Variants in TTLL9 observed in about 807,000 individuals in gnomAD.
TTLL9 encodes the protein tubulin tyrosine ligase like 9, also known as probable tubulin polyglutamylase TTLL9.
Under a neutral mutation model 65.6 loss-of-function variants are expected in TTLL9, and 47 were observed. The observed-to-expected ratio is 0.72, with a 90% CI of 0.57 to 0.91. The LOEUF (loss-of-function observed/expected upper bound fraction) is 0.91. Ranked by LOEUF, TTLL9 falls within the 40% of genes least tolerant of loss-of-function variation. The probability of loss-of-function intolerance (pLI) is 0.00; values close to 1 mark genes in which losing one functional copy is unlikely to be tolerated. For missense variants in TTLL9, 537 were observed against 568.8 expected, an observed-to-expected ratio of 0.94 and a Z score of 0.57; for synonymous variants, 179 against 204.8, an observed-to-expected ratio of 0.87 and a Z score of 1.07.
At chr20:31,892,211 A>G (rs1433011926) in intron 3 of TTLL9, among the ~76,000 whole-genome samples, 4 of 149,680 alleles carry the variant, frequency 2.7e-5, no homozygotes, top group South Asian at 2.1e-4. Flanking sequence ...ACAGGGTCTC[A>G]CTCTGTCACC....
intron 4 of TTLL9, among the ~76,000 whole-genome samples, chr20:31,903,286 T>C (rs1171546685): frequency 6.6e-6 from 1 of 152,244 alleles, no homozygotes; most frequent in Non-Finnish European, 1.5e-5. Flanking sequence ...TAGCAATTTA[T>C]AAATCTTCCT....
intron 10 of TTLL9, among the ~76,000 whole-genome samples, chr20:31,928,504 AAT>A (rs1212780562): frequency 1.3e-5 from 2 of 150,726 alleles, no homozygotes; most frequent in Non-Finnish European, 3.0e-5. Flanking sequence ...CATTATATAT[AAT>A]ATATATAGTT....
rs565437899 is a variant in TTLL9 at position 31,914,805 on chromosome 20, T to C, written c.504+4883T>C. Among the ~76,000 whole-genome samples the C allele has an allele frequency of 3.3e-5, 5 of 152,276 alleles. No individual in the cohort carries two copies. The South Asian group carries it at 8.3e-4, about 25-fold the overall frequency. On this transcript the variant is annotated intron_variant, in intron 6 of 14. Coordinates refer to ENST00000535842, the MANE Select transcript of TTLL9 (RefSeq NM_001008409.5). ...CTCTCAGGAATGGCCGGTCTTCATATCCCCTGGGGCTTAGTCACTGACTGG... is the reference window on the plus strand; with the variant it reads ...CTCTCAGGAATGGCCGGTCTTCATACCCCCTGGGGCTTAGTCACTGACTGG...
At chr20:31,902,099 A>G (rs2063487565) in intron 4 of TTLL9, among the ~76,000 whole-genome samples, 1 of 142,726 alleles carries the variant, frequency 7.0e-6, no homozygotes, top group South Asian at 2.1e-4. Flanking sequence ...AAGTTGTGTA[A>G]TCATCACCAC....
chr20:31,880,393 C>T (rs1018335002), intron 2 of TTLL9, among the ~76,000 whole-genome samples: 4 of 152,118 alleles, frequency 2.6e-5, no homozygotes, highest in Non-Finnish European at 5.9e-5. Flanking sequence ...CTCTGCCCTC[C>T]AAGAGGGCAC....
Position 31,944,418 on chromosome 20 carries a change from CA to C in TTLL9, c.*1401del, listed in dbSNP as rs1217787117. 1 of 154,040 alleles carries C rather than the reference CA, an allele frequency of 6.5e-6. No individual in the cohort carries two copies. Among genetic ancestry groups the C allele is most frequent in the Non-Finnish European group, 1.4e-5 (1 of 69,188 alleles). 9.5% of individuals were successfully genotyped at this position (154,040 alleles called of 1,614,324 possible). ...CATACGGTTTAAAATCCAAAGTTTA[CA>C]AAAGGGTATAGGGTGACATCTCCTT... On this transcript the variant is annotated 3_prime_UTR_variant, in exon 15 of 15. Coordinates refer to ENST00000535842, the MANE Select transcript of TTLL9 (RefSeq NM_001008409.5).
chr20:31,923,954 T>A (rs1206886785), intron 8 of TTLL9, among the ~76,000 whole-genome samples: 1 of 152,112 alleles, frequency 6.6e-6, no homozygotes, highest in East Asian at 1.9e-4. Flanking sequence ...GCCTGTGACA[T>A]CCGTCTTGGG....
chr20:31,913,029 G>A (rs1357651980), intron 6 of TTLL9, among the ~76,000 whole-genome samples: 3 of 152,106 alleles, frequency 2.0e-5, no homozygotes, highest in South Asian at 4.2e-4. Context: ...GTGTGGTGGC[G>A]AGTGCCTGTA....
At chr20:31,874,154 G>A (rs2063005916) in intron 2 of TTLL9, among the ~76,000 whole-genome samples, 1 of 152,196 alleles carries the variant, frequency 6.6e-6, no homozygotes. Flanking sequence ...GGAAGTATTA[G>A]TTATTACAAA....
At chr20:31,915,883 G>A (rs938545910) in intron 6 of TTLL9, among the ~76,000 whole-genome samples, 7 of 152,072 alleles carry the variant, frequency 4.6e-5, no homozygotes, top group African/African-American at 1.4e-4. Context: ...CTCGTATTCC[G>A]GTTATCTATT....
chr20:31,887,082 C>T lies in TTLL9; in HGVS notation c.70-114C>T, dbSNP rs148886837. 214 of 1,052,902 alleles carry T rather than the reference C, an allele frequency of 2.0e-4. No individual in the cohort carries two copies. In the African/African-American group the frequency reaches 2.9e-3, roughly 14 times the overall value. The allele number at this position is 1,052,902 out of a possible 1,614,324, so 65.2% of individuals were successfully genotyped here. A position where few individuals can be genotyped will look rare whatever the true frequency, so the allele number is the denominator to read the frequency against. ...AGGCTGGACCTTCGTGTCTCAGAAC[C>T]TAGGCATTGTTGAGTCTGACGGTTT... On this transcript the variant is annotated intron_variant, in intron 2 of 14. Transcript: ENST00000535842.
At chr20:31,941,376 C>A (rs2064206609) in intron 14 of TTLL9, 1 of 152,162 alleles carries the variant, frequency 6.6e-6, no homozygotes, top group Non-Finnish European at 1.5e-5. Context: ...TTCCTGGACC[C>A]CCATTTGAGT....
intron 10 of TTLL9, among the ~76,000 whole-genome samples, chr20:31,928,400 A>G (rs2063945528): frequency 6.6e-6 from 1 of 152,118 alleles, no homozygotes. Flanking sequence ...CAGATTTAAC[A>G]GATTAATATT....
chr20:31,935,044 T>C (rs2064087335), intron 12 of TTLL9, among the ~76,000 whole-genome samples, 156 bp downstream of exon 12: 1 of 152,190 alleles, frequency 6.6e-6, no homozygotes, highest in Non-Finnish European at 1.5e-5. Flanking sequence ...TAAATGGGGT[T>C]GGTCATGACA....
intron 14 of TTLL9, chr20:31,939,485 A>G (rs1033616276): frequency 1.5e-4 from 66 of 431,454 alleles, no homozygotes; most frequent in Non-Finnish European, 2.5e-4. Context: ...AGGGATTCAC[A>G]CTCATTGTAG....
At chr20:31,916,509 A>G (rs1384794031) in intron 6 of TTLL9, among the ~76,000 whole-genome samples, 1 of 152,196 alleles carries the variant, frequency 6.6e-6, no homozygotes, top group East Asian at 1.9e-4. Flanking sequence ...TGGAACAGTC[A>G]TGTCAAGTTA....
chr20:31,935,254 A>G (rs964023833), intron 12 of TTLL9, among the ~76,000 whole-genome samples: 5 of 152,180 alleles, frequency 3.3e-5, no homozygotes, highest in Admixed American at 1.3e-4. Flanking sequence ...ATAATGGAAT[A>G]TTGTTACAAT....
chr20:31,891,268 C>A (rs1478490898), intron 3 of TTLL9, among the ~76,000 whole-genome samples: 1 of 152,108 alleles, frequency 6.6e-6, no homozygotes, highest in Non-Finnish European at 1.5e-5. Context: ...TTGTAATATG[C>A]CAAATTGCTC....
chr20:31,901,391 G>A (rs781331412), intron 4 of TTLL9: 5 of 152,130 alleles, frequency 3.3e-5, no homozygotes, highest in Admixed American at 6.5e-5. Flanking sequence ...TATGATGGTC[G>A]GAGACTGGGA....
Sources: gnomAD v4.1 joint callset for allele counts (sites outside exome capture counted in the v4.1 genomes callset) on GRCh38, gnomAD v4.1.1 for gene constraint, MANE v1.5 for transcripts, NCBI Gene and HGNC (gene_info 2026-07-23, HGNC 2026-07-21) for gene names.